The following PPP3R1 variants were observed in gnomAD, a reference collection of about 807,000 sequenced individuals.
PPP3R1 encodes the protein calcineurin subunit B type 1.
Under a neutral mutation model 22.6 loss-of-function variants are expected in PPP3R1, and 5 were observed. The observed-to-expected ratio is 0.22, with a 90% CI of 0.12 to 0.46. The LOEUF (loss-of-function observed/expected upper bound fraction) is 0.46. PPP3R1 is among the 20% of genes least tolerant of loss of function. The pLI is 0.99. For synonymous variants in PPP3R1, 56 were observed against 65.2 expected (o/e 0.86, Z 0.68); for missense variants, 61 against 203.2 (o/e 0.30, Z 4.25).
intron 1 of PPP3R1, among the ~76,000 whole-genome samples, chr2:68,219,395 A>G (rs1051588313): frequency 6.6e-6 from 1 of 152,138 alleles, no homozygotes; most frequent in Non-Finnish European, 1.5e-5. Flanking sequence ...TCATTAGTAA[A>G]AACAGGAGTT....
At chr2:68,213,557 A>G (rs987208346) in intron 2 of PPP3R1, among the ~76,000 whole-genome samples, 2 of 152,214 alleles carry the variant, frequency 1.3e-5, no homozygotes, top group Admixed American at 6.5e-5. Flanking sequence ...CCATACAGAT[A>G]TAATAATGAA....
At chr2:68,209,565 T>A (rs1419819774) in intron 2 of PPP3R1, among the ~76,000 whole-genome samples, 1 of 151,276 alleles carries the variant, frequency 6.6e-6, no homozygotes, top group Non-Finnish European at 1.5e-5. Flanking sequence ...ACAAGCCTGG[T>A]AACATAATAA....
At chr2:68,249,709 G>A (rs1289273062) in intron 1 of PPP3R1, among the ~76,000 whole-genome samples, 2 of 150,184 alleles carry the variant, frequency 1.3e-5, no homozygotes, top group East Asian at 3.9e-4. Flanking sequence ...GTGAAGGGAG[G>A]GAAAGACTTT....
chr2:68,238,618 T>C (rs1023959746), intron 1 of PPP3R1, among the ~76,000 whole-genome samples: 1 of 151,948 alleles, frequency 6.6e-6, no homozygotes, highest in Non-Finnish European at 1.5e-5. Context: ...GATTTCCTCA[T>C]CCAAAGAAAA....
intron 2 of PPP3R1, among the ~76,000 whole-genome samples, chr2:68,193,829 A>G (rs191778371): frequency 1.3e-5 from 2 of 152,282 alleles, no homozygotes; most frequent in East Asian, 3.9e-4. Flanking sequence ...CAGTATATTT[A>G]TAGAAGATCT....
chr2:68,238,812 C>T (rs780543557), intron 1 of PPP3R1, among the ~76,000 whole-genome samples: 1 of 152,034 alleles, frequency 6.6e-6, no homozygotes, highest in African/African-American at 2.4e-5. Flanking sequence ...TGAAAAGACA[C>T]GTTTGCTATA....
intron 1 of PPP3R1, among the ~76,000 whole-genome samples, chr2:68,226,159 G>A (rs13027276): frequency 0.21 from 32,356 of 152,130 alleles, 3,670 homozygotes; most frequent in Non-Finnish European, 0.25. Flanking sequence ...AAGGTGTTGT[G>A]GGGTAGAGGG....
intron 1 of PPP3R1, among the ~76,000 whole-genome samples, chr2:68,245,432 A>G (rs1321558003): frequency 6.6e-6 from 1 of 152,190 alleles, no homozygotes; most frequent in Non-Finnish European, 1.5e-5. Flanking sequence ...ATTACAGTAT[A>G]ATGTCTCAAG....
At chr2:68,205,866 C>A (rs1016675262) in intron 2 of PPP3R1, among the ~76,000 whole-genome samples, 1 of 152,042 alleles carries the variant, frequency 6.6e-6, no homozygotes, top group Non-Finnish European at 1.5e-5. Context: ...GTTGCCCAGG[C>A]TGGAGTGCAA....
chr2:68,212,718 G>C (rs1187078417), intron 2 of PPP3R1, among the ~76,000 whole-genome samples: 2 of 152,192 alleles, frequency 1.3e-5, no homozygotes, highest in African/African-American at 4.8e-5. Context: ...TTTAGGCTTT[G>C]TTGTTCCATT....
intron 1 of PPP3R1, among the ~76,000 whole-genome samples, chr2:68,236,145 T>C (rs547657057): frequency 6.6e-6 from 1 of 152,344 alleles, no homozygotes; most frequent in East Asian, 1.9e-4. Flanking sequence ...TATTTTCTTG[T>C]CTTTTGAAGC....
intron 1 of PPP3R1, among the ~76,000 whole-genome samples, chr2:68,230,412 T>C (rs188660884): frequency 1.8e-4 from 26 of 144,706 alleles, no homozygotes; most frequent in African/African-American, 6.6e-4. Context: ...TTGCTCTATG[T>C]ACATTACACA....
chr2:68,244,002 A>C (rs1670183301), intron 1 of PPP3R1, among the ~76,000 whole-genome samples: 1 of 152,186 alleles, frequency 6.6e-6, no homozygotes. Flanking sequence ...GGGAAGACTT[A>C]CTTTCCATTT....
chr2:68,243,846 G>A (rs1029269085), intron 1 of PPP3R1, among the ~76,000 whole-genome samples: 2 of 151,520 alleles, frequency 1.3e-5, no homozygotes, highest in African/African-American at 2.4e-5. Context: ...AAACTTTTAC[G>A]ATCAATCTTT....
At chr2:68,229,987 C>T (rs866424364) in intron 1 of PPP3R1, among the ~76,000 whole-genome samples, 3 of 135,064 alleles carry the variant, frequency 2.2e-5, no homozygotes, top group African/African-American at 1.1e-4. Flanking sequence ...CACACACACA[C>T]ACACACACAC....
intron 2 of PPP3R1, among the ~76,000 whole-genome samples, chr2:68,199,361 T>G (rs1674908873): frequency 6.6e-6 from 1 of 152,220 alleles, no homozygotes; most frequent in Non-Finnish European, 1.5e-5. Flanking sequence ...ACATCAGTCC[T>G]AGTAACTTAA....
At chr2:68,239,970 G>A (rs1263552012) in intron 1 of PPP3R1, among the ~76,000 whole-genome samples, 2 of 152,180 alleles carry the variant, frequency 1.3e-5, no homozygotes, top group Admixed American at 6.5e-5. Context: ...AATAAATTAT[G>A]TAAGTATTAC....
chr2:68,204,353 G>GATATATATTCTGAT (rs1675063861), intron 2 of PPP3R1, among the ~76,000 whole-genome samples: 3 of 148,376 alleles, frequency 2.0e-5, no homozygotes, highest in Non-Finnish European at 3.0e-5. Flanking sequence ...TATATATTCT[G>GATATATATTCTGAT]ATATATATAT....
intron 2 of PPP3R1, among the ~76,000 whole-genome samples, chr2:68,198,193 T>C (rs1168314935): frequency 6.9e-6 from 1 of 144,840 alleles, no homozygotes; most frequent in East Asian, 2.0e-4. Flanking sequence ...ATAATATATA[T>C]TTACATATAT....
Sources: allele counts gnomAD v4.1 joint callset (sites outside exome capture counted in the v4.1 genomes callset), GRCh38; gene constraint gnomAD v4.1.1; transcripts MANE v1.5; gene names NCBI Gene and HGNC (gene_info 2026-07-23, HGNC 2026-07-21).